GPAT3: variants seen among roughly 807,000 people sequenced by gnomAD.
The protein encoded by GPAT3 is glycerol-3-phosphate acyltransferase 3.
GPAT3 carries 53 observed loss-of-function variants against 58.8 expected under a neutral mutation model. That is an observed-to-expected ratio of 0.90 (90% CI 0.72 to 1.13). The LOEUF is 1.13. Among genes scored for constraint, GPAT3 ranks in the 50% most tolerant of loss-of-function variants. The pLI is 0.00. For synonymous variants in GPAT3, 197 were observed against 187.4 expected (o/e 1.05, Z -0.42); for missense variants, 511 against 527.6 (o/e 0.97, Z 0.31).
chr4:83,581,975 G>A (rs1428998586), intron 3 of GPAT3, 143 bp downstream of exon 3: 3 of 1,097,072 alleles, frequency 2.7e-6, no homozygotes, highest in Non-Finnish European at 2.6e-6. Context: ...GACCTCTAAA[G>A]GAATGTATTA....
rs763776994 is a variant in GPAT3, at chr4:83,573,836, A to AT, written c.209-7722dup. ...GTGAAATAAGTATACAACTTCATGC[A>AT]TTTTCTAAAATGAACTTGCTTGTAT... is the stretch of plus-strand genomic sequence containing the variant. On this transcript the variant is annotated intron_variant, in intron 2 of 11. Coordinates refer to ENST00000264409, the MANE Select transcript of GPAT3 (RefSeq NM_032717.5). Among the ~76,000 whole-genome samples, 26 of 152,300 alleles carry AT rather than the reference A, an allele frequency of 1.7e-4. 1 individual carries two copies. Among genetic ancestry groups the AT allele is most frequent in the South Asian group, 8.3e-4 (4 of 4,828 alleles).
At chr4:83,587,218 G>C (rs752603550) in intron 3 of GPAT3, 37 bp from the exon 4 acceptor site, 2 of 1,574,304 alleles carry the variant, frequency 1.3e-6, no homozygotes, top group South Asian at 1.1e-5. Flanking sequence ...CATGCTATGT[G>C]TCAAAATCTT....
intron 2 of GPAT3, among the ~76,000 whole-genome samples, chr4:83,546,513 C>T (rs1268692822): frequency 1.3e-5 from 2 of 150,874 alleles, no homozygotes; most frequent in Non-Finnish European, 2.9e-5. Context: ...TCTATGGTGT[C>T]TCCAGGAAAG....
rs981952104 is a variant in GPAT3, at chr4:83,605,262, T to C, written c.*495T>C. Reference sequence around the variant, plus strand: ...GATTGTATTTAGGAAAAGGGACAACTTTGTGGCCACCTGCTCTGAAAGTCA... The same window carrying C: ...GATTGTATTTAGGAAAAGGGACAACCTTGTGGCCACCTGCTCTGAAAGTCA... On this transcript the variant is annotated 3_prime_UTR_variant, in exon 12 of 12. Transcript: ENST00000264409. The C allele has an allele frequency of 1.3e-5, 2 of 152,376 alleles. No individual in the cohort carries two copies. Among genetic ancestry groups the C allele is most frequent in the Non-Finnish European group, 2.9e-5 (2 of 68,178 alleles). The allele number at this position is 152,376 out of a possible 1,614,324, so 9.4% of individuals were successfully genotyped here.
intron 1 of GPAT3, among the ~76,000 whole-genome samples, chr4:83,539,782 G>A (rs565786377): frequency 1.8e-4 from 28 of 152,304 alleles, no homozygotes; most frequent in African/African-American, 6.7e-4. Context: ...ATTTTCAAGG[G>A]ATATATGATA....
chr4:83,565,155 C>T (rs2110084864), intron 2 of GPAT3, among the ~76,000 whole-genome samples: 1 of 152,082 alleles, frequency 6.6e-6, no homozygotes, highest in Middle Eastern at 3.4e-3. Flanking sequence ...GGCTGGAGCA[C>T]AGTGGCGCAA....
intron 2 of GPAT3, among the ~76,000 whole-genome samples, chr4:83,563,431 A>G (rs1725253987): frequency 6.7e-6 from 1 of 149,768 alleles, no homozygotes; most frequent in African/African-American, 2.5e-5. Context: ...TACATTACAA[A>G]TATGTTATTC....
chr4:83,598,469 C>T, intron 10 of GPAT3, 175 bp from the exon 11 acceptor site: 1 of 748,522 alleles, frequency 1.3e-6, no homozygotes, highest in Non-Finnish European at 2.2e-6. Context: ...TTAAACAATA[C>T]AACACTGCAT....
intron 2 of GPAT3, among the ~76,000 whole-genome samples, chr4:83,551,813 A>AATCT (rs3083939): frequency 0.11 from 11,540 of 102,228 alleles, 913 homozygotes; most frequent in South Asian, 0.13. Flanking sequence ...AAAAAAAAAA[A>AATCT]ATCTATCTAT....
At chr4:83,578,745 G>T (rs1725908901) in intron 2 of GPAT3, among the ~76,000 whole-genome samples, 1 of 152,120 alleles carries the variant, frequency 6.6e-6, no homozygotes, top group South Asian at 2.1e-4. Context: ...CACTATCATG[G>T]TTCATCCTCT....
At chr4:83,568,628 G>A (rs1326987278) in intron 2 of GPAT3, among the ~76,000 whole-genome samples, 1 of 151,416 alleles carries the variant, frequency 6.6e-6, no homozygotes, top group Admixed American at 6.6e-5. Context: ...CTGCTTCAGC[G>A]TCCGGGGTAG....
intron 1 of GPAT3, among the ~76,000 whole-genome samples, chr4:83,540,299 TGGG>T (rs1724251266): frequency 6.6e-6 from 1 of 152,122 alleles, no homozygotes; most frequent in Non-Finnish European, 1.5e-5. Flanking sequence ...CAACTTTCCT[TGGG>T]GGGCAGAGAA....
chr4:83,596,209 A>ATGG (rs1726826639), intron 7 of GPAT3, among the ~76,000 whole-genome samples: 1 of 152,186 alleles, frequency 6.6e-6, no homozygotes. Context: ...CAGATGAGGA[A>ATGG]ACCTAAGTAC....
chr4:83,554,241 C>G (rs963537534), intron 2 of GPAT3, among the ~76,000 whole-genome samples: 6 of 152,150 alleles, frequency 3.9e-5, no homozygotes, highest in Admixed American at 1.3e-4. Flanking sequence ...GATGCTCTTG[C>G]CTTGGCCTCC....
chr4:83,604,523 T>C lies in GPAT3; in HGVS notation c.1206-145T>C, dbSNP rs1358152870. On this transcript the variant is annotated intron_variant, in intron 11 of 11. Transcript: ENST00000264409. Reference sequence around the variant, plus strand: ...AGGGCAGAAACTGAAACCTGGGTCTTCCTGTTTCCAAATCCAGTGTTCTTT... The same window carrying C: ...AGGGCAGAAACTGAAACCTGGGTCTCCCTGTTTCCAAATCCAGTGTTCTTT... 7.2e-6 allele frequency: 4 copies of C among 552,548 alleles called. No homozygotes were observed. In the East Asian group the frequency reaches 1.3e-4, roughly 18 times the overall value. 34.2% of individuals were successfully genotyped at this position (552,548 alleles called of 1,614,324 possible).
At chr4:83,589,986 G>A (rs921412740) in intron 5 of GPAT3, among the ~76,000 whole-genome samples, 8 of 152,038 alleles carry the variant, frequency 5.3e-5, no homozygotes, top group African/African-American at 1.9e-4. Flanking sequence ...CAGCTACTTG[G>A]GAGGCTGAGG....
At chr4:83,584,772 C>T (rs1726315958) in intron 3 of GPAT3, among the ~76,000 whole-genome samples, 2 of 152,214 alleles carry the variant, frequency 1.3e-5, no homozygotes, top group East Asian at 1.9e-4. Context: ...TCCCAAAGTG[C>T]TGGGATTACA....
chr4:83,553,246 G>T (rs779255487), intron 2 of GPAT3, among the ~76,000 whole-genome samples: 60 of 152,182 alleles, frequency 3.9e-4, no homozygotes, highest in Non-Finnish European at 7.6e-4. Flanking sequence ...ACTGCATTGC[G>T]AAGTGATGGG....
At chr4:83,598,026 T>G (rs771014976) in intron 9 of GPAT3, 25 bp from the exon 10 acceptor site, 1 of 1,612,214 alleles carries the variant, frequency 6.2e-7, no homozygotes, top group South Asian at 1.1e-5. Context: ...ATTTCATAAC[T>G]GAGATGTATT....
Sources: allele counts gnomAD v4.1 joint callset (sites outside exome capture counted in the v4.1 genomes callset), GRCh38; gene constraint gnomAD v4.1.1; transcripts MANE v1.5; gene names NCBI Gene and HGNC (gene_info 2026-07-23, HGNC 2026-07-21).